Variants in SPON1 observed in about 807,000 individuals in gnomAD.
SPON1 encodes the protein spondin 1, also known as spondin-1.
SPON1 carries 52 observed loss-of-function variants against 111.7 expected under a neutral mutation model. The ratio of observed to expected loss-of-function variants is 0.47; its 90% CI spans 0.37 to 0.59. The LOEUF (loss-of-function observed/expected upper bound fraction) is 0.59. Among genes scored for constraint, SPON1 ranks in the 20% least tolerant of loss-of-function variants. SPON1 has a pLI of 0.00. For missense variants in SPON1, 957 were observed against 1,068.5 expected (o/e 0.90, Z 1.46); for synonymous variants, 410 against 395.8 (o/e 1.04, Z -0.43).
intron 13 of SPON1, among the ~76,000 whole-genome samples, chr11:14,260,064 CACTCCTGTT>C (rs1407525562): frequency 6.6e-6 from 1 of 152,190 alleles, no homozygotes; most frequent in African/African-American, 2.4e-5. Context: ...CCACTCCTCC[CACTCCTGTT>C]GTACATTGGA....
intron 6 of SPON1, among the ~76,000 whole-genome samples, chr11:14,203,865 T>C (rs782078692): frequency 4.6e-5 from 7 of 152,214 alleles, no homozygotes; most frequent in African/African-American, 1.4e-4. Flanking sequence ...GCTGGTTCTC[T>C]GGCATCAGGG....
chr11:14,211,926 T>A (rs1848580843), intron 6 of SPON1, among the ~76,000 whole-genome samples: 1 of 152,116 alleles, frequency 6.6e-6, no homozygotes, highest in South Asian at 2.1e-4. Flanking sequence ...TATATTATTT[T>A]CAGGGGCCAA....
chr11:14,161,268 TC>T (rs1554931273), intron 6 of SPON1, among the ~76,000 whole-genome samples: 12 of 43,640 alleles, frequency 2.7e-4, no homozygotes, highest in African/African-American at 8.1e-4. Context: ...TATTTATATA[TC>T]TGTATATCTA....
intron 2 of SPON1, among the ~76,000 whole-genome samples, chr11:14,007,008 G>A (rs1006930093): frequency 2.0e-5 from 3 of 152,166 alleles, no homozygotes; most frequent in Admixed American, 6.5e-5. Context: ...GGGGGCTCTA[G>A]GGCAGTGGTC....
intron 3 of SPON1, among the ~76,000 whole-genome samples, chr11:14,060,743 T>G (rs151092535): frequency 2.8e-4 from 42 of 152,310 alleles, no homozygotes; most frequent in African/African-American, 9.9e-4. Context: ...ACAGAGTGCC[T>G]AGCACATCAC....
Position 13,962,786 on chromosome 11 carries a change from G to C in SPON1, c.-119G>C. 3.1e-6 allele frequency: 3 copies of C among 965,224 alleles called. No individual in the cohort carries two copies. The allele number at this position is 965,224 out of a possible 1,614,324, so 59.8% of individuals were successfully genotyped here. On this transcript the variant is annotated 5_prime_UTR_variant, in exon 1 of 16. Coordinates refer to ENST00000576479, the MANE Select transcript of SPON1 (RefSeq NM_006108.4). ...CACGGTCTCCGAGTCGCGGACGCCA[G>C]CTCCGAGCTCCCTCTCTCCGCCGCG...
At chr11:14,021,053 G>T (rs1268181165) in intron 2 of SPON1, among the ~76,000 whole-genome samples, 7 of 152,110 alleles carry the variant, frequency 4.6e-5, no homozygotes, top group African/African-American at 1.7e-4. Flanking sequence ...TGAGGTTACA[G>T]AATATCACGA....
chr11:14,050,059 T>A (rs978730094), intron 3 of SPON1, among the ~76,000 whole-genome samples: 1 of 152,172 alleles, frequency 6.6e-6, no homozygotes, highest in Non-Finnish European at 1.5e-5. Context: ...CTGGGTTTCA[T>A]GTAAATGTTA....
At chr11:14,203,415 G>A (rs1208378240) in intron 6 of SPON1, among the ~76,000 whole-genome samples, 3 of 152,122 alleles carry the variant, frequency 2.0e-5, no homozygotes, top group African/African-American at 7.2e-5. Context: ...AGGAAGAAGT[G>A]GCACCTGCTT....
At chr11:14,178,197 T>C (rs565029320) in intron 6 of SPON1, among the ~76,000 whole-genome samples, 243 of 151,630 alleles carry the variant, frequency 1.6e-3, no homozygotes, top group Admixed American at 3.5e-3. Context: ...CTGAGGCGGG[T>C]GGATCACAAG....
At chr11:14,098,652 CAG>C (rs10586411) in intron 5 of SPON1, among the ~76,000 whole-genome samples, 115,152 of 146,204 alleles carry the variant, frequency 0.79, 45,311 homozygotes, top group East Asian at 1. Flanking sequence ...ATATGAAAGG[CAG>C]AGAGAGAGAG....
At chr11:14,248,061 T>C (rs1001339942) in intron 7 of SPON1, among the ~76,000 whole-genome samples, 1 of 152,062 alleles carries the variant, frequency 6.6e-6, no homozygotes, top group African/African-American at 2.4e-5. Flanking sequence ...GTAAGGAAGC[T>C]TGGTACCGAG....
At chr11:13,973,219 TG>T (rs1554908794) in intron 1 of SPON1, among the ~76,000 whole-genome samples, 1 of 152,216 alleles carries the variant, frequency 6.6e-6, no homozygotes, top group East Asian at 1.9e-4. Context: ...TAGTCCAGTA[TG>T]GGTCACATGG....
At chr11:13,997,327 G>C (rs1848281227) in intron 2 of SPON1, among the ~76,000 whole-genome samples, 1 of 152,116 alleles carries the variant, frequency 6.6e-6, no homozygotes, top group African/African-American at 2.4e-5. Flanking sequence ...AAAGACTTTG[G>C]GTTTTGGAAT....
intron 6 of SPON1, among the ~76,000 whole-genome samples, chr11:14,180,367 A>T (rs879988164): frequency 1.3e-5 from 2 of 152,116 alleles, no homozygotes; most frequent in Non-Finnish European, 2.9e-5. Context: ...ACAAACACAC[A>T]CACCCTTTGC....
At chr11:13,963,418 A>T (rs2618492) in intron 1 of SPON1, among the ~76,000 whole-genome samples, 3 of 152,106 alleles carry the variant, frequency 2.0e-5, no homozygotes, top group African/African-American at 7.2e-5. Context: ...ACTGAGCCAC[A>T]CGTCACGCCG....
At chr11:14,139,728 A>ATATAT (rs1564913661) in intron 6 of SPON1, among the ~76,000 whole-genome samples, 1 of 151,126 alleles carries the variant, frequency 6.6e-6, no homozygotes, top group African/African-American at 2.4e-5. Context: ...ATATATATTT[A>ATATAT]AGTGAAAAGA....
intron 1 of SPON1, among the ~76,000 whole-genome samples, chr11:13,964,427 G>A (rs1847999695): frequency 6.6e-6 from 1 of 152,186 alleles, no homozygotes; most frequent in Non-Finnish European, 1.5e-5. Context: ...GAGAAAGTCT[G>A]GGGCAGCGTC....
chr11:14,257,636 C>G (rs2133925457), intron 10 of SPON1, 80 bp from the exon 11 acceptor site: 6 of 1,356,330 alleles, frequency 4.4e-6, no homozygotes, highest in Non-Finnish European at 5.9e-6. Flanking sequence ...TTTCTTGTCC[C>G]CAGATAAGCT....
Sources: allele counts gnomAD v4.1 joint callset (sites outside exome capture counted in the v4.1 genomes callset), GRCh38; gene constraint gnomAD v4.1.1; transcripts MANE v1.5; gene names NCBI Gene and HGNC (gene_info 2026-07-23, HGNC 2026-07-21).